Variants in PRKN observed in about 807,000 individuals in gnomAD.
PRKN encodes E3 ubiquitin-protein ligase parkin.
A neutral mutation model predicts 59.5 loss-of-function variants in PRKN; 56 were observed. The observed-to-expected ratio is 0.94, with a 90% CI of 0.76 to 1.18. The LOEUF (loss-of-function observed/expected upper bound fraction) is 1.18, where lower values mean the gene tolerates loss of function less well. PRKN is among the 50% of genes most tolerant of loss of function. The probability of loss-of-function intolerance (pLI) is 0.00; values close to 1 mark genes in which losing one functional copy is unlikely to be tolerated. For missense variants in PRKN, 657 were observed against 596.4 expected, an observed-to-expected ratio of 1.10 and a Z score of -1.06; for synonymous variants, 250 against 222.1, an observed-to-expected ratio of 1.13 and a Z score of -1.12.
intron 1 of PRKN, among the ~76,000 whole-genome samples, chr6:162,575,148 G>A (rs1375888861): frequency 1.3e-5 from 2 of 152,234 alleles, no homozygotes; most frequent in African/African-American, 4.8e-5. Flanking sequence ...GAGAAAATGA[G>A]GCTCGACGTC....
At chr6:162,233,970 AC>A (rs1778531622) in intron 3 of PRKN, among the ~76,000 whole-genome samples, 2 of 152,192 alleles carry the variant, frequency 1.3e-5, no homozygotes, top group Non-Finnish European at 2.9e-5. Flanking sequence ...GATTATCCAG[AC>A]TGTGGTATTC....
intron 7 of PRKN, among the ~76,000 whole-genome samples, chr6:161,759,055 T>C (rs1789075392): frequency 6.6e-6 from 1 of 152,016 alleles, no homozygotes; most frequent in African/African-American, 2.4e-5. Flanking sequence ...TGGGCACCTG[T>C]AGTCCCAGCT....
At chr6:161,930,066 T>C (rs915035606) in intron 6 of PRKN, among the ~76,000 whole-genome samples, 12 of 152,190 alleles carry the variant, frequency 7.9e-5, no homozygotes, top group African/African-American at 2.2e-4. Flanking sequence ...CATTCTCTCT[T>C]GGACAGAAAT....
chr6:161,903,143 G>A (rs1254263378), intron 6 of PRKN, among the ~76,000 whole-genome samples: 3 of 152,104 alleles, frequency 2.0e-5, no homozygotes, highest in Admixed American at 6.5e-5. Context: ...GAGGGATTTA[G>A]AGGAGTCTTT....
chr6:161,747,661 G>C (rs1361059834), intron 7 of PRKN, among the ~76,000 whole-genome samples: 1 of 152,184 alleles, frequency 6.6e-6, no homozygotes, highest in African/African-American at 2.4e-5. Context: ...AAAAGCTCTG[G>C]AGTTCTAATT....
intron 7 of PRKN, among the ~76,000 whole-genome samples, chr6:161,609,444 T>C (rs912305310): frequency 2.0e-5 from 3 of 152,202 alleles, no homozygotes; most frequent in African/African-American, 7.2e-5. Context: ...TTAATAACTA[T>C]TTGGTGAAAC....
At chr6:162,226,614 A>G (rs990765140) in intron 3 of PRKN, among the ~76,000 whole-genome samples, 10 of 152,098 alleles carry the variant, frequency 6.6e-5, no homozygotes, top group Non-Finnish European at 1.3e-4. Context: ...GCTTACTGCA[A>G]TCTCCGCCTC....
intron 6 of PRKN, among the ~76,000 whole-genome samples, chr6:161,893,254 TC>T (rs1175607058): frequency 6.6e-6 from 1 of 152,208 alleles, no homozygotes; most frequent in East Asian, 1.9e-4. Context: ...GTATAGATAA[TC>T]CCAGCCATCA....
chr6:162,612,376 G>C (rs1782225364), intron 1 of PRKN, among the ~76,000 whole-genome samples: 1 of 151,750 alleles, frequency 6.6e-6, no homozygotes, highest in Non-Finnish European at 1.5e-5. Flanking sequence ...TCTTGGAAGG[G>C]ATCAGGCCGG....
intron 3 of PRKN, among the ~76,000 whole-genome samples, chr6:162,239,287 C>T (rs1166473157): frequency 6.6e-6 from 1 of 152,032 alleles, no homozygotes; most frequent in Non-Finnish European, 1.5e-5. Context: ...ATTTTATTTT[C>T]TATTTTATCT....
In PRKN at chr6:161,851,408, G is replaced by C. The variant is rs60176019; in HGVS notation, c.735-65500C>G. On this transcript the variant is annotated intron_variant, in intron 6 of 11. Coordinates refer to ENST00000366898, the MANE Select transcript of PRKN (RefSeq NM_004562.3). ...TATTCTATTATAGCAGCACAAAAGA[G>C]AATAAGCCGATTACTATATTATGTT... 6.6e-3 allele frequency among the ~76,000 whole-genome samples: 1,003 copies of C among 152,134 alleles called. 10 individuals carry two copies. The highest frequency in any genetic ancestry group is 0.022 in the African/African-American group (929 of 41,506).
intron 1 of PRKN, among the ~76,000 whole-genome samples, chr6:162,470,537 G>A (rs1006500624): frequency 3.4e-4 from 52 of 152,134 alleles, no homozygotes; most frequent in African/African-American, 1.2e-3. Flanking sequence ...GTTGCAGTGA[G>A]CCAAGATTGC....
rs576349098 is a variant in PRKN, at chr6:161,391,436, G to T, written c.1084-4559C>A. Among the ~76,000 whole-genome samples, 5 of 143,612 alleles carry T rather than the reference G, an allele frequency of 3.5e-5. No individual in the cohort carries two copies. In the East Asian group the frequency reaches 6.1e-4, roughly 17 times the overall value. The allele number at this position is 143,612 out of a possible 152,430, so 94.2% of individuals were successfully genotyped here. A position where few individuals can be genotyped will look rare whatever the true frequency, so the allele number is the denominator to read the frequency against. On this transcript the variant is annotated intron_variant, in intron 9 of 11. Transcript: ENST00000366898. The surrounding 1 kb of genome is among the most constrained non-coding windows in gnomAD (Gnocchi z 4.9). ...AAATGTGATCCATTTCCGTAGAGTT[G>T]TTTTTTTTTTTCGAGAAATTTTAAA...
rs140114193 is a variant in PRKN at position 161,545,012 on chromosome 6, C to T, written c.1083+3842G>A. The stretch of plus-strand genomic sequence containing the variant: ...GCGGAAGACCACCCAGGTACATGGT[C>T]GTGGGTGAAATGACTAGAAGATTAG... On this transcript the variant is annotated intron_variant, in intron 9 of 11. Transcript: ENST00000366898. The surrounding 1 kb of genome is among the most constrained non-coding windows in gnomAD (Gnocchi z 4.1). The T allele has an allele frequency of 4.7e-3, 1,411 of 300,424 alleles. 25 individuals carry two copies. Among genetic ancestry groups the T allele is most frequent in the African/African-American group, 0.03 (1,346 of 44,494 alleles). The allele number at this position is 300,424 out of a possible 1,614,324, so 18.6% of individuals were successfully genotyped here. A position where few individuals can be genotyped will look rare whatever the true frequency, so the allele number is the denominator to read the frequency against.
chr6:162,413,486 G>C (rs1219650619), intron 2 of PRKN, among the ~76,000 whole-genome samples: 1 of 152,198 alleles, frequency 6.6e-6, no homozygotes, highest in Non-Finnish European at 1.5e-5. Context: ...TAATTAGATA[G>C]CAAGGTATTA....
intron 3 of PRKN, among the ~76,000 whole-genome samples, chr6:162,207,974 C>A (rs936148347): frequency 1.3e-5 from 2 of 152,108 alleles, no homozygotes; most frequent in African/African-American, 2.4e-5. Flanking sequence ...TTCCTACCAA[C>A]CAGACACCCT....
intron 7 of PRKN, among the ~76,000 whole-genome samples, chr6:161,702,563 G>A (rs575229551): frequency 4.8e-4 from 73 of 152,202 alleles, no homozygotes; most frequent in African/African-American, 1.7e-3. Context: ...AGGGGAATTG[G>A]TGTCTAATGG....
chr6:162,194,826 C>T (rs897593715), intron 4 of PRKN, among the ~76,000 whole-genome samples: 5 of 152,070 alleles, frequency 3.3e-5, no homozygotes, highest in Non-Finnish European at 5.9e-5. Flanking sequence ...ACTTCTCTAT[C>T]GACTGGCTCT....
chr6:162,723,362 G>A (rs1471720043), intron 1 of PRKN, among the ~76,000 whole-genome samples: 3 of 152,190 alleles, frequency 2.0e-5, no homozygotes, highest in Non-Finnish European at 4.4e-5. Flanking sequence ...ATCTTCGATG[G>A]CACATGGGAG....
Sources: allele counts gnomAD v4.1 joint callset (sites outside exome capture counted in the v4.1 genomes callset), GRCh38; gene constraint gnomAD v4.1.1; non-coding constraint Gnocchi (gnomAD v3.1); transcripts MANE v1.5; gene names NCBI Gene and HGNC (gene_info 2026-07-23, HGNC 2026-07-21).